The following TENM3 variants were observed in gnomAD, a reference collection of about 807,000 sequenced individuals.
TENM3 encodes teneurin transmembrane protein 3.
A neutral mutation model predicts 255.1 loss-of-function variants in TENM3; 63 were observed. That is an observed-to-expected ratio of 0.25 (90% CI 0.20 to 0.30). TENM3 has a LOEUF of 0.30. Among genes scored for constraint, TENM3 ranks in the 10% least tolerant of loss-of-function variants. The pLI, the probability that TENM3 is intolerant of heterozygous loss-of-function variation, is 1.00. For missense variants in TENM3, 2,929 were observed against 3,461.1 expected (o/e 0.85, Z 3.86); for synonymous variants, 1,306 against 1,322.3 (o/e 0.99, Z 0.27).
the TENM3 span, among the ~76,000 whole-genome samples, chr4:181,482,559 G>A: frequency 1.1e-4 from 16 of 152,182 alleles, no homozygotes; most frequent in Middle Eastern, 3.4e-3. Flanking sequence ...TAACTGTAAG[G>A]TATTGATCTG....
chr4:181,826,463 G>A, the TENM3 span, among the ~76,000 whole-genome samples: 1 of 152,166 alleles, frequency 6.6e-6, no homozygotes, highest in Admixed American at 6.5e-5. Flanking sequence ...AGCTCCACTT[G>A]TTACAGATCC....
chr4:182,151,677 C>T (rs1031179975), intron 1 of TENM3, among the ~76,000 whole-genome samples: 1 of 151,586 alleles, frequency 6.6e-6, no homozygotes, highest in Non-Finnish European at 1.5e-5. Flanking sequence ...AAAAACAAAA[C>T]AAAACAAAAA....
intron 7 of TENM3, among the ~76,000 whole-genome samples, chr4:182,677,562 G>A (rs973524488): frequency 6.6e-6 from 1 of 152,124 alleles, no homozygotes; most frequent in Non-Finnish European, 1.5e-5. Context: ...ATTCAAAACT[G>A]CTGAATTAAT....
intron 3 of TENM3, among the ~76,000 whole-genome samples, chr4:182,402,384 TA>T (rs1365057490): frequency 5.9e-5 from 9 of 152,322 alleles, no homozygotes; most frequent in Non-Finnish European, 8.8e-5. Context: ...CAAAATCTTG[TA>T]TACTAACTGG....
At position 182,167,945 on chromosome 4, in the gene TENM3, A is replaced by G. The variant is rs545481528; in HGVS notation, c.-76+23191A>G. On this transcript the variant is annotated intron_variant, in intron 1 of 2. Coordinates refer to the TENM3 transcript ENST00000512480. Reference sequence around the variant, plus strand: ...CTATAATTGTTTTATGATACAGAATATTAATCACTGCATTAAATTTGGATA... The same window carrying G: ...CTATAATTGTTTTATGATACAGAATGTTAATCACTGCATTAAATTTGGATA... 7.2e-5 allele frequency among the ~76,000 whole-genome samples: 11 copies of G among 152,312 alleles called. No individual in the cohort carries two copies. The South Asian group carries it at 2.3e-3, about 32-fold the overall frequency.
chr4:182,738,559 A>G lies in TENM3; in HGVS notation c.3379+15A>G. On this transcript the variant is annotated intron_variant, in intron 18 of 27. Transcript: ENST00000511685. Reference sequence around the variant, plus strand: ...TGTACAGAACGGTAAGCTCTTGTTCATAGATAACTGATGTTGTAATGTATT... The same window carrying G: ...TGTACAGAACGGTAAGCTCTTGTTCGTAGATAACTGATGTTGTAATGTATT... 1.2e-6 allele frequency: 2 copies of G among 1,601,222 alleles called. No individual in the cohort carries two copies. The highest frequency in any genetic ancestry group is 2.3e-5 in the South Asian group (2 of 88,594).
chr4:181,653,394 T>TTTTG, the TENM3 span, among the ~76,000 whole-genome samples: 3,861 of 151,422 alleles, frequency 0.025, 102 homozygotes, highest in African/African-American at 0.06. Flanking sequence ...CATTGTTTTG[T>TTTTG]TTTGTTTGTT....
At chr4:182,474,882 T>C (rs979263917) in intron 3 of TENM3, among the ~76,000 whole-genome samples, 2 of 152,180 alleles carry the variant, frequency 1.3e-5, no homozygotes, top group East Asian at 3.9e-4. Flanking sequence ...CATTTAACCT[T>C]CCCATTATCG....
intron 17 of TENM3, among the ~76,000 whole-genome samples, chr4:182,737,557 A>G (rs932713828): frequency 6.6e-6 from 1 of 152,224 alleles, no homozygotes; most frequent in Non-Finnish European, 1.5e-5. Flanking sequence ...GGTTCATTCA[A>G]TGAAAGGATA....
At chr4:181,844,731 T>A in the TENM3 span, among the ~76,000 whole-genome samples, 1 of 152,020 alleles carries the variant, frequency 6.6e-6, no homozygotes, top group African/African-American at 2.4e-5. Context: ...ATCTAAATAA[T>A]AGGAGTTTCA....
chr4:182,350,367 A>T (rs1330274013), intron 3 of TENM3: 1 of 152,230 alleles, frequency 6.6e-6, no homozygotes, highest in Non-Finnish European at 1.5e-5. Context: ...AAGCATTTTG[A>T]GGAAAAAAAT....
the TENM3 span, among the ~76,000 whole-genome samples, chr4:181,686,603 A>C: frequency 6.6e-6 from 1 of 152,184 alleles, no homozygotes; most frequent in East Asian, 1.9e-4. Flanking sequence ...CTGGTCTTCA[A>C]AGATTTACAG....
At chr4:181,454,669 T>TACCATTTTTATACTTTTTTTTTTTTTTTA in the TENM3 span, among the ~76,000 whole-genome samples, 1 of 128,272 alleles carries the variant, frequency 7.8e-6, no homozygotes, top group Non-Finnish European at 1.7e-5. Context: ...ATGTTTTTTA[T>TACCATTTTTATACTTTTTTTTTTTTTTTA]ACCATTTTTA....
chr4:182,796,216 G>C (rs1044902681), intron 26 of TENM3, among the ~76,000 whole-genome samples: 3 of 152,192 alleles, frequency 2.0e-5, no homozygotes, highest in Admixed American at 1.3e-4. Flanking sequence ...CATATCCTTG[G>C]GCAATCGCTT....
intron 1 of TENM3, among the ~76,000 whole-genome samples, chr4:182,277,600 G>C (rs577508834): frequency 2.2e-4 from 34 of 152,292 alleles, no homozygotes; most frequent in African/African-American, 8.2e-4. Flanking sequence ...CCTTCTGGCT[G>C]TGTTGTTAGG....
the TENM3 span, among the ~76,000 whole-genome samples, chr4:181,887,187 T>C: frequency 6.6e-6 from 1 of 152,018 alleles, no homozygotes; most frequent in Non-Finnish European, 1.5e-5. Context: ...GAGCCCCAGA[T>C]TCTAAGCTTC....
chr4:181,606,259 ATGTTGTCCCAC>A, the TENM3 span, among the ~76,000 whole-genome samples: 3 of 152,090 alleles, frequency 2.0e-5, no homozygotes, highest in Admixed American at 6.5e-5. Context: ...GTCAATGTCC[ATGTTGTCCCAC>A]TGTTTGAATA....
the TENM3 span, among the ~76,000 whole-genome samples, chr4:181,972,436 CAAAAAA>C: frequency 5.4e-3 from 618 of 115,116 alleles, 4 homozygotes; most frequent in African/African-American, 0.019. Context: ...CCTCCTTGTC[CAAAAAA>C]AAAAAAAAAA....
intron 3 of TENM3, among the ~76,000 whole-genome samples, chr4:182,546,431 A>AT (rs11424959): frequency 0.21 from 32,096 of 150,818 alleles, 4,799 homozygotes; most frequent in African/African-American, 0.42. Flanking sequence ...GACATTTACC[A>AT]TTTTTTTTTG....
Sources: allele counts gnomAD v4.1 joint callset (sites outside exome capture counted in the v4.1 genomes callset), GRCh38; gene constraint gnomAD v4.1.1; transcripts MANE v1.5; gene names NCBI Gene and HGNC (gene_info 2026-07-23, HGNC 2026-07-21).